The following TLE2 variants were observed in gnomAD, a reference collection of about 807,000 sequenced individuals.
The protein encoded by TLE2 is TLE family member 2, transcriptional corepressor, also known as transducin-like enhancer protein 2.
Under a neutral mutation model 97.2 loss-of-function variants are expected in TLE2, and 74 were observed. That is an observed-to-expected ratio of 0.76 (90% confidence interval 0.63 to 0.92). TLE2 has a LOEUF of 0.92. TLE2 is among the 40% of genes least tolerant of loss of function. The probability of loss-of-function intolerance (pLI) is 0.00; values close to 1 mark genes in which losing one functional copy is unlikely to be tolerated. For synonymous variants in TLE2, 499 were observed against 432.1 expected (o/e 1.15, Z -1.92); for missense variants, 1,038 against 1,008.7 (o/e 1.03, Z -0.39).
At chr19:3,006,014 A>G (rs2089467296) in intron 15 of TLE2, 46 bp from the exon 16 acceptor site, 1 of 1,603,894 alleles carries the variant, frequency 6.2e-7, no homozygotes, top group South Asian at 1.1e-5. Flanking sequence ...GTCCCAGGTG[A>G]GGTCTCTAGG....
At position 3,024,113 on chromosome 19, in the gene TLE2, G is replaced by T. The variant is rs1423561946; in HGVS notation, c.294+907C>A. ...TGAGTTCAAGCAATTCTATTCTCCT[G>T]CCTCAGCCTCCCGAGTAGCTGGGAT... On this transcript the variant is annotated intron_variant, in intron 5 of 19. Coordinates refer to ENST00000262953, the MANE Select transcript of TLE2 (RefSeq NM_003260.5). 2.0e-5 allele frequency among the ~76,000 whole-genome samples: 3 copies of T among 148,152 alleles called. No individual in the cohort carries two copies. In the East Asian group the frequency reaches 6.2e-4, roughly 30 times the overall value.
Position 3,028,346 on chromosome 19 carries a change from C to T in TLE2, c.159G>A (p.Lys53=), listed in dbSNP as rs199678663. The part of the protein sequence containing the change: ...KLECEKLASE[K]TEMQRHYVMY... ...TGACATAATGTCGCTGCATTTCCGT[C>T]TTCTCGCTGGCCAGCTTCTCACATT... is the stretch of plus-strand genomic sequence containing the variant. Residue 53 remains lysine (K), a synonymous_variant, in exon 3 of 20, where the codon AAG becomes AAA. Coordinates refer to ENST00000262953, the MANE Select transcript of TLE2 (RefSeq NM_003260.5). The T allele has an allele frequency of 3.1e-6, 5 of 1,609,802 alleles. No homozygotes were observed. In the East Asian group the frequency reaches 1.1e-4, roughly 36 times the overall value.
chr19:3,002,247 G>C (rs2089378112), intron 18 of TLE2, 106 bp downstream of exon 18: 2 of 1,330,618 alleles, frequency 1.5e-6, no homozygotes, highest in Admixed American at 5.8e-5. Flanking sequence ...ATAAAACTTA[G>C]TATATAAATA....
chr19:3,019,157 C>A lies in TLE2; in HGVS notation c.550+126G>T. The A allele has an allele frequency of 1.5e-6, 2 of 1,378,516 alleles. No homozygotes were observed. Among genetic ancestry groups the A allele is most frequent in the Non-Finnish European group, 9.7e-7 (1 of 1,027,696 alleles). The allele number at this position is 1,378,516 out of a possible 1,614,324, so 85.4% of individuals were successfully genotyped here. On this transcript the variant is annotated intron_variant, in intron 7 of 19. Transcript: ENST00000262953. This position sits in a 1 kb window ranked among gnomAD's most constrained non-coding sequence, Gnocchi z 5.1. Reference sequence around the variant, plus strand: ...AAGCGATCCTCCCGCCTCGGCCTCCCAAATTGTTGGGATTATAGGCATGAG... The same window carrying A: ...AAGCGATCCTCCCGCCTCGGCCTCCAAAATTGTTGGGATTATAGGCATGAG...
At position 2,997,887 on chromosome 19, in the gene TLE2, C is replaced by A. The variant is rs111313851; in HGVS notation, c.2193G>T (p.Ser731=). 2 of 1,612,490 alleles carry A rather than the reference C, an allele frequency of 1.2e-6. No individual in the cohort carries two copies. Among genetic ancestry groups the A allele is most frequent in the Non-Finnish European group, 1.7e-6 (2 of 1,179,392 alleles). ...SRNNKYIVTG[S]GDKKATVYEV... is the part of the protein sequence containing the mutation. ...CATACACGGTGGCCTTCTTGTCCCC[C>A]GAGCCTGTCACGATGTATTTGTTAT... The change falls in exon 20 of 20, where the codon TCG becomes TCT. Residue 731 remains serine (S), a synonymous_variant. Coordinates refer to ENST00000262953, the MANE Select transcript of TLE2 (RefSeq NM_003260.5).
At chr19:3,009,740 G>A (rs777611174) in intron 12 of TLE2, 38 bp from the exon 13 acceptor site, 3 of 1,570,800 alleles carry the variant, frequency 1.9e-6, no homozygotes, top group Non-Finnish European at 2.6e-6. Flanking sequence ...TTGACGCCCT[G>A]GACCCAGATC....
chr19:3,026,459 A>G (rs1371733015), intron 4 of TLE2, among the ~76,000 whole-genome samples: 1 of 141,388 alleles, frequency 7.1e-6, no homozygotes, highest in African/African-American at 3.0e-5. Flanking sequence ...AAAATTTAAA[A>G]AAAAAAAAAA....
Position 3,005,503 on chromosome 19 carries a change from G to T in TLE2, c.1830C>A (p.Asp610Glu), listed in dbSNP as rs960736930. The T allele has an allele frequency of 6.2e-7, 1 of 1,613,796 alleles. No individual in the cohort carries two copies. Among genetic ancestry groups the T allele is most frequent in the Non-Finnish European group, 8.5e-7 (1 of 1,179,806 alleles). The change falls in exon 17 of 20, where the codon GAC becomes GAA. Residue 610 changes from aspartate to glutamate, a missense_variant. By Grantham distance (45) the Asp-to-Glu change is conservative. Transcript: ENST00000262953. ...GCAGGTCCCAGCAGCGCACCGTGTT[G>T]TCCAGGCCCCCTGTCCAGAGCCGAG... ...YGTRLWTGGL[D>E]NTVRCWDLRE... is the part of the protein sequence containing the mutation.
rs376250058 is a variant in TLE2 at position 3,006,672 on chromosome 19, G to A, written c.1251-3C>T. On this transcript the variant is annotated splice_polypyrimidine_tract_variant and splice_region_variant and intron_variant, in intron 14 of 19. Coordinates refer to ENST00000262953, the MANE Select transcript of TLE2 (RefSeq NM_003260.5). ...CAGACACGTGGAAGGAGTAGGCCCTGGAGAGAAAGCCGGGGCATGACCCAG... is the reference window on the plus strand; with the variant it reads ...CAGACACGTGGAAGGAGTAGGCCCTAGAGAGAAAGCCGGGGCATGACCCAG... The A allele has an allele frequency of 1.3e-6, 2 of 1,585,070 alleles. No homozygotes were observed. Among genetic ancestry groups the A allele is most frequent in the Non-Finnish European group, 1.7e-6 (2 of 1,163,030 alleles).
chr19:3,015,180 G>C (rs547507049), intron 9 of TLE2, among the ~76,000 whole-genome samples: 3 of 152,006 alleles, frequency 2.0e-5, no homozygotes, highest in Non-Finnish European at 4.4e-5. Flanking sequence ...TGCCCCTGTA[G>C]GTGGGAGAAG....
chr19:3,005,420 C>T lies in TLE2; in HGVS notation c.1896+17G>A. 1 of 1,612,526 alleles carries T rather than the reference C, an allele frequency of 6.2e-7. No individual in the cohort carries two copies. ...TCCTAGAGCTTCCATCCCCCTCCTG[C>T]CAGAACCGAACAGCACCTGGGAGCT... On this transcript the variant is annotated intron_variant, in intron 17 of 19. Coordinates refer to ENST00000262953, the MANE Select transcript of TLE2 (RefSeq NM_003260.5).
Position 3,019,317 on chromosome 19 carries a change from C to T in TLE2, c.516G>A (p.Glu172=), listed in dbSNP as rs751645455. Residue 172 remains glutamate, a synonymous_variant, in exon 7 of 20, where the codon GAG becomes GAA. Transcript: ENST00000262953. The surrounding 1 kb of genome is among the most constrained non-coding windows in gnomAD (Gnocchi z 5.1). The part of the protein sequence containing the change: ...AQAQLAAAVK[E]DRAGVEAEGS... The stretch of plus-strand genomic sequence containing the variant: ...CCTCGGCCTCCACGCCCGCACGGTC[C>T]TCCTTGACAGCCGCCGCCAGCTGAG... 12 of 1,577,072 alleles carry T rather than the reference C, an allele frequency of 7.6e-6. No individual in the cohort carries two copies. Among genetic ancestry groups the T allele is most frequent in the Non-Finnish European group, 1.0e-5 (12 of 1,169,916 alleles).
At chr19:3,002,693 G>A (rs1008969048) in intron 17 of TLE2, among the ~76,000 whole-genome samples, 190 bp from the exon 18 acceptor site, 1 of 150,206 alleles carries the variant, frequency 6.7e-6, no homozygotes, top group Non-Finnish European at 1.5e-5. Context: ...GCACCATCAC[G>A]CTGGATAATC....
At chr19:3,018,184 T>G (rs943130724) in intron 7 of TLE2, among the ~76,000 whole-genome samples, 17 of 152,044 alleles carry the variant, frequency 1.1e-4, no homozygotes, top group Non-Finnish European at 1.8e-4. Flanking sequence ...CAGGCTGGAG[T>G]GCAGTGGCCC....
intron 4 of TLE2, chr19:3,025,733 G>T: frequency 2.3e-6 from 1 of 435,170 alleles, no homozygotes; most frequent in Non-Finnish European, 3.1e-6. Flanking sequence ...AGTTACAGGT[G>T]TGCTGTGTGT....
chr19:3,040,558 C>T (rs60716314), intron 1 of TLE2, among the ~76,000 whole-genome samples: 34,470 of 151,660 alleles, frequency 0.23, 4,857 homozygotes, highest in African/African-American at 0.4. Flanking sequence ...AGGCTGGTTT[C>T]GAACTCCTGG....
intron 18 of TLE2, among the ~76,000 whole-genome samples, chr19:3,001,188 G>A (rs199650159): frequency 4.6e-5 from 7 of 151,814 alleles, no homozygotes; most frequent in South Asian, 2.1e-4. Flanking sequence ...CTTGAGAATC[G>A]CTTGAACCCA....
intron 3 of TLE2, 60 bp downstream of exon 3, chr19:3,028,259 C>T: frequency 6.6e-7 from 1 of 1,525,766 alleles, no homozygotes; most frequent in Non-Finnish European, 8.9e-7. Flanking sequence ...CCCCAGAGTC[C>T]ACCGTGACTC....
intron 18 of TLE2, 103 bp from the exon 19 acceptor site, chr19:3,000,826 T>A (rs2089341754): frequency 6.2e-6 from 3 of 485,460 alleles, no homozygotes; most frequent in African/African-American, 2.1e-5. Context: ...GCCTCTCCCT[T>A]TTTTTTTTTT....
Sources: allele counts gnomAD v4.1 joint callset (sites outside exome capture counted in the v4.1 genomes callset), GRCh38; gene constraint gnomAD v4.1.1; non-coding constraint Gnocchi (gnomAD v3.1); transcripts MANE v1.5; gene names NCBI Gene and HGNC (gene_info 2026-07-23, HGNC 2026-07-21).